Variants in ADGRG5 observed in about 807,000 individuals in gnomAD.
ADGRG5 encodes G protein-coupled receptor 114.
A neutral mutation model predicts 53.2 loss-of-function variants in ADGRG5; 37 were observed. That is an observed-to-expected ratio of 0.70 (90% confidence interval 0.53 to 0.91). The LOEUF is 0.91. ADGRG5 is among the 40% of genes least tolerant of loss of function. ADGRG5 has a pLI of 0.00. For synonymous variants in ADGRG5, 277 were observed against 290.4 expected, an observed-to-expected ratio of 0.95 and a Z score of 0.47; for missense variants, 614 against 675.8, an observed-to-expected ratio of 0.91 and a Z score of 1.01.
intron 1 of ADGRG5, among the ~76,000 whole-genome samples, chr16:57,553,870 A>G (rs2032810396): frequency 1.3e-5 from 2 of 152,302 alleles, no homozygotes; most frequent in African/African-American, 4.8e-5. Context: ...TTTCTAAAGG[A>G]ATACATTTAG....
rs542963093 is a variant in ADGRG5 at position 57,576,280 on chromosome 16, G to C, written c.*742G>C. 1.3e-5 allele frequency: 2 copies of C among 152,186 alleles called. No homozygotes were observed. The highest frequency in any genetic ancestry group is 4.8e-5 in the African/African-American group (2 of 41,414). The allele number at this position is 152,186 out of a possible 1,614,324, so 9.4% of individuals were successfully genotyped here. A position where few individuals can be genotyped will look rare whatever the true frequency, so the allele number is the denominator to read the frequency against. On this transcript the variant is annotated 3_prime_UTR_variant, in exon 12 of 12. Coordinates refer to ENST00000349457, the MANE Select transcript of ADGRG5 (RefSeq NM_001304376.3). ...CGCCGTTCCCAGAGGCTCCTCCTGC[G>C]GTGCTCCCAAGACTTCCATAGACCA...
At position 57,562,147 on chromosome 16, in the gene ADGRG5, T is replaced by G; in HGVS notation, c.54T>G (p.Asn18Lys). 6.2e-7 allele frequency: 1 copy of G among 1,602,090 alleles called. No individual in the cohort carries two copies. The highest frequency in any genetic ancestry group is 8.5e-7 in the Non-Finnish European group (1 of 1,171,700). Residue 18 changes from asparagine (N) to lysine (K), a missense_variant, in exon 2 of 12, where the codon AAT becomes AAG. Physicochemically the swap from Asn to Lys is moderately conservative, Grantham distance 94. Coordinates refer to ENST00000349457, the MANE Select transcript of ADGRG5 (RefSeq NM_001304376.3). ...GCCTGTGCCTTCTGACTTTGCAGAA[T>G]GCAACAACAGGTAAGGGGGCTCTGC... The part of the protein sequence containing the change: ...FLCLCLLTLQ[N>K]ATTETWEELL...
At chr16:57,534,526 C>G in the ADGRG5 span, among the ~76,000 whole-genome samples, 2 of 152,204 alleles carry the variant, frequency 1.3e-5, no homozygotes, top group Admixed American at 6.5e-5. Context: ...CCTAGGAAGC[C>G]TTCTCTAACC....
At chr16:57,569,367 C>T (rs2033265890) in intron 9 of ADGRG5, among the ~76,000 whole-genome samples, 1 of 151,398 alleles carries the variant, frequency 6.6e-6, no homozygotes, top group Non-Finnish European at 1.5e-5. Context: ...CCATCACCAC[C>T]TCCTCCACCT....
At chr16:57,547,554 C>T (rs2032648675) in intron 1 of ADGRG5, among the ~76,000 whole-genome samples, 1 of 152,218 alleles carries the variant, frequency 6.6e-6, no homozygotes, top group South Asian at 2.1e-4. Flanking sequence ...AAGCGATTCT[C>T]CTGCCTCAGC....
intron 1 of ADGRG5, among the ~76,000 whole-genome samples, chr16:57,544,839 A>T (rs1448046952): frequency 6.6e-6 from 1 of 152,088 alleles, no homozygotes; most frequent in Non-Finnish European, 1.5e-5. Context: ...CCCAGGCCGG[A>T]GTGCAGTGTC....
Position 57,563,970 on chromosome 16 carries a change from C to G in ADGRG5, c.420C>G (p.His140Gln). 1.9e-6 allele frequency: 3 copies of G among 1,612,578 alleles called. No homozygotes were observed. Among genetic ancestry groups the G allele is most frequent in the Middle Eastern group, 3.3e-4 (2 of 6,056 alleles). Reference protein sequence around the residue: ...RLICIYFSNTHFFKDENNSSL... With the variant: ...RLICIYFSNTQFFKDENNSSL... Reference sequence around the variant, plus strand: ...TCTGTATCTACTTCTCCAACACCCACTTTTTCAAGGTCAGTGTGATGGCGG... The same window carrying G: ...TCTGTATCTACTTCTCCAACACCCAGTTTTTCAAGGTCAGTGTGATGGCGG... The change falls in exon 5 of 12, where the codon CAC becomes CAG. Residue 140 changes from histidine to glutamine, a missense_variant. Transcript: ENST00000349457.
At chr16:57,555,286 T>C (rs908604246) in intron 1 of ADGRG5, among the ~76,000 whole-genome samples, 2 of 152,186 alleles carry the variant, frequency 1.3e-5, no homozygotes, top group Non-Finnish European at 2.9e-5. Flanking sequence ...TGGGAGGGAC[T>C]GATGGGAAGT....
chr16:57,566,777 C>A, intron 7 of ADGRG5, 26 bp downstream of exon 7: 1 of 1,414,650 alleles, frequency 7.1e-7, no homozygotes, highest in South Asian at 1.7e-5. Context: ...GAGTGGGGCT[C>A]AGAGCTACAG....
At chr16:57,546,364 G>A (rs1238248020) in intron 1 of ADGRG5, among the ~76,000 whole-genome samples, 1 of 152,188 alleles carries the variant, frequency 6.6e-6, no homozygotes, top group Non-Finnish European at 1.5e-5. Flanking sequence ...GAGCTCAAAT[G>A]ATCCTCCTGC....
intron 9 of ADGRG5, among the ~76,000 whole-genome samples, chr16:57,568,591 A>T (rs376174367): frequency 1.4e-4 from 18 of 129,660 alleles, no homozygotes; most frequent in Admixed American, 5.3e-4. Context: ...CTCCTCCACC[A>T]TCATCACCAT....
At chr16:57,560,636 T>C (rs1046472522) in intron 1 of ADGRG5, among the ~76,000 whole-genome samples, 1 of 152,138 alleles carries the variant, frequency 6.6e-6, no homozygotes, top group East Asian at 1.9e-4. Flanking sequence ...TTATGGTGCA[T>C]CCTCTCTCCA....
intron 9 of ADGRG5, 103 bp from the exon 10 acceptor site, chr16:57,570,315 T>G: frequency 4.3e-6 from 3 of 691,212 alleles, no homozygotes; most frequent in Admixed American, 4.2e-5. Flanking sequence ...CTCTCAGTTG[T>G]CCCTTGACCA....
Position 57,567,895 on chromosome 16 carries a change from G to T in ADGRG5, c.861G>T (p.Leu287=), listed in dbSNP as rs1419301666. ...SDSLTRIHMN[L]HASVLLLNIA... ...CCTTAACACGCATCCACATGAACCT[G>T]CATGCCTCCGTGCTGCTCCTGAACA... Residue 287 remains leucine (L), a synonymous_variant, in exon 9 of 12, where the codon CTG becomes CTT. Transcript: ENST00000349457. 9 of 1,612,672 alleles carry T rather than the reference G, an allele frequency of 5.6e-6. No individual in the cohort carries two copies. Among genetic ancestry groups the T allele is most frequent in the Non-Finnish European group, 6.8e-6 (8 of 1,179,840 alleles).
chr16:57,546,334 T>C (rs4783995), intron 1 of ADGRG5, among the ~76,000 whole-genome samples: 80,961 of 151,960 alleles, frequency 0.53, 23,213 homozygotes, highest in African/African-American at 0.74. Flanking sequence ...CTATGTTGCT[T>C]AGGCTGGTCT....
At chr16:57,538,581 C>G (rs1261298099), upstream of ADGRG5, among the ~76,000 whole-genome samples, 2 of 152,122 alleles carry the variant, frequency 1.3e-5, no homozygotes, top group Non-Finnish European at 2.9e-5. Context: ...CTGACTGTTT[C>G]AATTTTACCA....
At chr16:57,532,728 CACACACAG>C in the ADGRG5 span, among the ~76,000 whole-genome samples, 2 of 147,976 alleles carry the variant, frequency 1.4e-5, no homozygotes, top group East Asian at 4.0e-4. Context: ...CACACACACA[CACACACAG>C]AGGCAGACAC....
chr16:57,565,176 C>A, intron 6 of ADGRG5, 26 bp downstream of exon 6: 1 of 1,353,576 alleles, frequency 7.4e-7, no homozygotes, highest in Non-Finnish European at 1.1e-6. Flanking sequence ...CCCCCGTTTC[C>A]ACTGCACCCC....
intron 1 of ADGRG5, 141 bp from the exon 2 acceptor site, chr16:57,561,915 A>G: frequency 2.1e-6 from 1 of 474,018 alleles, no homozygotes; most frequent in Non-Finnish European, 3.7e-6. Flanking sequence ...TTTGCCCTTC[A>G]TCCTCAGCTT....
Sources: allele counts gnomAD v4.1 joint callset (sites outside exome capture counted in the v4.1 genomes callset), GRCh38; gene constraint gnomAD v4.1.1; transcripts MANE v1.5; gene names NCBI Gene and HGNC (gene_info 2026-07-23, HGNC 2026-07-21).